MAN1A2: variants seen among roughly 807,000 people sequenced by gnomAD.
MAN1A2 encodes the protein mannosidase alpha class 1A member 2.
Under a neutral mutation model 75.7 loss-of-function variants are expected in MAN1A2, and 26 were observed. That is an observed-to-expected ratio of 0.34 (90% confidence interval 0.25 to 0.48). The LOEUF is 0.48. MAN1A2 is among the 20% of genes least tolerant of loss of function. The probability of loss-of-function intolerance (pLI) is 0.99; values close to 1 mark genes in which losing one functional copy is unlikely to be tolerated. For missense variants in MAN1A2, 562 were observed against 775.5 expected (o/e 0.72, Z 3.27); for synonymous variants, 247 against 264.6 (o/e 0.93, Z 0.65).
intron 12 of MAN1A2, among the ~76,000 whole-genome samples, chr1:117,511,542 CCTTTT>C (rs1260221547): frequency 6.6e-6 from 1 of 151,982 alleles, no homozygotes; most frequent in Non-Finnish European, 1.5e-5. Context: ...GGGACTTTTT[CCTTTT>C]AACTACTATG....
chr1:117,518,573 C>G (rs922027307), intron 12 of MAN1A2, among the ~76,000 whole-genome samples: 1 of 151,768 alleles, frequency 6.6e-6, no homozygotes, highest in Non-Finnish European at 1.5e-5. Context: ...AAAACAACAG[C>G]AATTAAAAGA....
intron 8 of MAN1A2, among the ~76,000 whole-genome samples, chr1:117,473,715 T>G (rs1650230704): frequency 6.6e-6 from 1 of 152,006 alleles, no homozygotes; most frequent in Non-Finnish European, 1.5e-5. Flanking sequence ...TCCCTCACTT[T>G]CTTCAGGTTT....
chr1:117,499,289 C>A, intron 10 of MAN1A2, 93 bp from the exon 11 acceptor site: 1 of 873,046 alleles, frequency 1.1e-6, no homozygotes, highest in South Asian at 3.1e-5. Flanking sequence ...ACAAAAATTA[C>A]TTCATATTCT....
chr1:117,455,293 G>A (rs1444311584), intron 6 of MAN1A2, among the ~76,000 whole-genome samples: 1 of 152,138 alleles, frequency 6.6e-6, no homozygotes, highest in African/African-American at 2.4e-5. Flanking sequence ...TCTAGAACAT[G>A]CAAGACTAAT....
At chr1:117,398,335 T>C (rs1647288712) in intron 1 of MAN1A2, among the ~76,000 whole-genome samples, 1 of 152,140 alleles carries the variant, frequency 6.6e-6, no homozygotes, top group African/African-American at 2.4e-5. Flanking sequence ...GGAAACCTCA[T>C]GCATATGGGG....
At chr1:117,468,951 A>C (rs1315672803) in intron 8 of MAN1A2, among the ~76,000 whole-genome samples, 2 of 152,202 alleles carry the variant, frequency 1.3e-5, no homozygotes, top group Non-Finnish European at 2.9e-5. Context: ...GTTAGCTTAA[A>C]AACATTTTTA....
chr1:117,447,917 A>G (rs4360510), intron 6 of MAN1A2, among the ~76,000 whole-genome samples: 117,963 of 152,108 alleles, frequency 0.78, 46,055 homozygotes, highest in African/African-American at 0.85. Context: ...CTCTTTTTTG[A>G]TTCCATATGA....
chr1:117,496,674 C>G, intron 9 of MAN1A2, 89 bp from the exon 10 acceptor site: 1 of 912,504 alleles, frequency 1.1e-6, no homozygotes, highest in Non-Finnish European at 1.7e-6. Context: ...TATCATATTA[C>G]CCAGGTTTTA....
chr1:117,472,223 C>T (rs1421776386), intron 8 of MAN1A2, among the ~76,000 whole-genome samples: 1 of 151,856 alleles, frequency 6.6e-6, no homozygotes, highest in South Asian at 2.1e-4. Flanking sequence ...TAAATTCCTA[C>T]CTATTCAATG....
rs10923286 is a variant in MAN1A2, at chr1:117,405,186, G to T, written c.559-363G>T. ...TGGTCTAAGGATAGGGGATTTTCTAGCTAGGGTGAGTTAATTGGTGGTAGA... is the reference window on the plus strand; with the variant it reads ...TGGTCTAAGGATAGGGGATTTTCTATCTAGGGTGAGTTAATTGGTGGTAGA... On this transcript the variant is annotated intron_variant, in intron 2 of 12. Transcript: ENST00000356554. Among the ~76,000 whole-genome samples, 587 of 152,290 alleles carry T rather than the reference G, an allele frequency of 3.9e-3. 7 individuals carry two copies. The highest frequency in any genetic ancestry group is 0.013 in the African/African-American group (558 of 41,552).
chr1:117,487,633 ATGT>A (rs1361528801), intron 8 of MAN1A2, among the ~76,000 whole-genome samples: 1 of 152,022 alleles, frequency 6.6e-6, no homozygotes, highest in Non-Finnish European at 1.5e-5. Context: ...CGCAAAATAG[ATGT>A]TGTAATATTG....
intron 1 of MAN1A2, among the ~76,000 whole-genome samples, chr1:117,380,935 C>T (rs993868647): frequency 7.2e-5 from 11 of 152,278 alleles, no homozygotes; most frequent in Admixed American, 2.6e-4. Flanking sequence ...TACATTGAAT[C>T]TGTAGATTGT....
chr1:117,408,956 T>C (rs1314693577), intron 3 of MAN1A2, among the ~76,000 whole-genome samples: 1 of 152,112 alleles, frequency 6.6e-6, no homozygotes, highest in East Asian at 1.9e-4. Context: ...GCCTTGTCAT[T>C]TGAATGTCTG....
chr1:117,431,333 G>C (rs1265950607), intron 5 of MAN1A2, among the ~76,000 whole-genome samples: 1 of 151,586 alleles, frequency 6.6e-6, no homozygotes, highest in African/African-American at 2.4e-5. Flanking sequence ...ACAGAGCTTT[G>C]AAATGTATGA....
In MAN1A2 at chr1:117,460,507, G is replaced by T; in HGVS notation, c.969G>T (p.Trp323Cys). 2 of 1,612,184 alleles carry T rather than the reference G, an allele frequency of 1.2e-6. No homozygotes were observed. Among genetic ancestry groups the T allele is most frequent in the Non-Finnish European group, 1.7e-6 (2 of 1,179,150 alleles). ...VNLKSGVGRNWGWASAGSSIL... is the reference protein window; with the variant it reads ...VNLKSGVGRNCGWASAGSSIL... The stretch of plus-strand genomic sequence containing the variant: ...CATTCAGTGGAGTAGGGCGAAACTG[G>T]GGCTGGGCATCTGCAGGTAGCAGCA... Residue 323 changes from tryptophan (W) to cysteine (C), a missense_variant, in exon 7 of 13, where the codon TGG becomes TGT. Around this residue, in one of 2 missense-constraint regions of MAN1A2, gnomAD observed 434 missense variants for 645.7 expected, o/e 0.67. Transcript: ENST00000356554.
intron 8 of MAN1A2, among the ~76,000 whole-genome samples, chr1:117,481,362 G>A (rs1037862980): frequency 2.0e-5 from 3 of 151,030 alleles, no homozygotes; most frequent in Admixed American, 6.6e-5. Context: ...TTTGCCTTCT[G>A]TTCACTTCTC....
intron 8 of MAN1A2, among the ~76,000 whole-genome samples, chr1:117,488,855 T>G (rs1308689214): frequency 6.6e-6 from 1 of 152,114 alleles, no homozygotes; most frequent in Non-Finnish European, 1.5e-5. Flanking sequence ...ATTATATAAG[T>G]TACATGTATT....
chr1:117,514,094 G>A (rs1570804822), intron 12 of MAN1A2, among the ~76,000 whole-genome samples: 2 of 152,294 alleles, frequency 1.3e-5, no homozygotes, highest in East Asian at 1.9e-4. Flanking sequence ...TGGGCACAGT[G>A]GCTCATGCCT....
At chr1:117,451,435 T>C (rs936237919) in intron 6 of MAN1A2, among the ~76,000 whole-genome samples, 1 of 152,218 alleles carries the variant, frequency 6.6e-6, no homozygotes, top group Admixed American at 6.5e-5. Flanking sequence ...GAGTTAATGC[T>C]GAAATAAGAC....
Sources: gnomAD v4.1 joint callset for allele counts (sites outside exome capture counted in the v4.1 genomes callset) on GRCh38, gnomAD v4.1.1 for gene constraint, gnomAD v4.1.1 regional missense constraint, MANE v1.5 for transcripts, NCBI Gene and HGNC (gene_info 2026-07-23, HGNC 2026-07-21) for gene names.